THSD4: variants seen among roughly 807,000 people sequenced by gnomAD.
The protein encoded by THSD4 is thrombospondin type-1 domain-containing protein 4.
In THSD4, 69 loss-of-function variants were observed where a neutral mutation model predicts 119.0. The observed-to-expected ratio is 0.58, with a 90% CI of 0.48 to 0.71. The LOEUF is 0.71. Among genes scored for constraint, THSD4 ranks in the 30% least tolerant of loss-of-function variants. The probability of loss-of-function intolerance (pLI) is 0.00; values close to 1 mark genes in which losing one functional copy is unlikely to be tolerated. For synonymous variants in THSD4, 524 were observed against 540.4 expected (o/e 0.97, Z 0.42); for missense variants, 1,393 against 1,391.1 (o/e 1.00, Z -0.02).
chr15:71,204,935 G>C (rs1431216331), intron 3 of THSD4, among the ~76,000 whole-genome samples: 1 of 152,150 alleles, frequency 6.6e-6, no homozygotes, highest in African/African-American at 2.4e-5. Context: ...CATGTGGCTA[G>C]AGCATTTGGG....
At chr15:71,761,370 T>C (rs1055814098) in intron 15 of THSD4, among the ~76,000 whole-genome samples, 1 of 152,146 alleles carries the variant, frequency 6.6e-6, no homozygotes, top group African/African-American at 2.4e-5. Flanking sequence ...TTACCTCCAC[T>C]CTCTCAATCT....
rs1041019128 is a variant in THSD4 at position 71,312,708 on chromosome 15, T to C, written c.1015+55993T>C. Among the ~76,000 whole-genome samples the C allele has an allele frequency of 2.6e-5, 4 of 152,080 alleles. No individual in the cohort carries two copies. The South Asian group carries it at 8.3e-4, about 32-fold the overall frequency. The stretch of plus-strand genomic sequence containing the variant: ...CTGGCCTCATACCTTCCTCTGCCTT[T>C]TCTCACTCCACTCTAGCACGACTCG... On this transcript the variant is annotated intron_variant, in intron 6 of 17. Coordinates refer to ENST00000261862, the MANE Select transcript of THSD4 (RefSeq NM_024817.3).
At chr15:71,349,261 A>C (rs964202792) in intron 6 of THSD4, among the ~76,000 whole-genome samples, 1 of 152,246 alleles carries the variant, frequency 6.6e-6, no homozygotes, top group African/African-American at 2.4e-5. Context: ...TGTAAATTGG[A>C]TACAGAAGTG....
intron 7 of THSD4, among the ~76,000 whole-genome samples, chr15:71,536,408 A>T (rs2048689836): frequency 6.6e-6 from 1 of 152,138 alleles, no homozygotes; most frequent in Non-Finnish European, 1.5e-5. Flanking sequence ...AATTGTGCCT[A>T]CCTTGATAAT....
At chr15:71,702,967 A>T (rs2052321854) in intron 8 of THSD4, among the ~76,000 whole-genome samples, 1 of 150,470 alleles carries the variant, frequency 6.6e-6, no homozygotes, top group Non-Finnish European at 1.5e-5. Context: ...TAGTTTTGAA[A>T]GGTTTCTGAC....
intron 9 of THSD4, 130 bp downstream of exon 9, chr15:71,728,854 G>T (rs1459778439): frequency 8.1e-7 from 1 of 1,227,982 alleles, no homozygotes; most frequent in Non-Finnish European, 1.2e-6. Flanking sequence ...GAGCCTGTTG[G>T]AGGCACTCCT....
chr15:71,536,609 G>A (rs1184477463), intron 7 of THSD4, among the ~76,000 whole-genome samples: 2 of 152,084 alleles, frequency 1.3e-5, no homozygotes, highest in African/African-American at 2.4e-5. Context: ...AGTAAAAATT[G>A]TATATATTTA....
chr15:71,564,861 A>G (rs1375128101), intron 7 of THSD4, among the ~76,000 whole-genome samples: 1 of 143,332 alleles, frequency 7.0e-6, no homozygotes, highest in Non-Finnish European at 1.5e-5. Context: ...AATACAATAT[A>G]TTGTATATTA....
At position 71,297,143 on chromosome 15, in the gene THSD4, T is replaced by A. The variant is rs1255029815; in HGVS notation, c.1015+40428T>A. Among the ~76,000 whole-genome samples the A allele has an allele frequency of 3.9e-5, 6 of 152,162 alleles. No individual in the cohort carries two copies. In the East Asian group the frequency reaches 7.7e-4, roughly 20 times the overall value. On this transcript the variant is annotated intron_variant, in intron 6 of 17. Coordinates refer to ENST00000261862, the MANE Select transcript of THSD4 (RefSeq NM_024817.3). ...CACATCCTTGTTATTTATTTTTTTT[T>A]AATTATATCCATCCTAGTAGTGGGT...
At chr15:71,477,404 C>T (rs779696613) in intron 7 of THSD4, among the ~76,000 whole-genome samples, 1 of 152,136 alleles carries the variant, frequency 6.6e-6, no homozygotes, top group Non-Finnish European at 1.5e-5. Context: ...GCCCCGCAGG[C>T]CCTGGGTATT....
At chr15:71,349,879 C>G (rs1438220936) in intron 6 of THSD4, among the ~76,000 whole-genome samples, 1 of 151,974 alleles carries the variant, frequency 6.6e-6, no homozygotes, top group African/African-American at 2.4e-5. Flanking sequence ...TGAAACACAG[C>G]TGGTCTCAGG....
rs1021309526 is a variant in THSD4 at position 71,778,942 on chromosome 15, G to C, written c.*1568G>C. On this transcript the variant is annotated 3_prime_UTR_variant, in exon 18 of 18. Transcript: ENST00000261862. ...AAGCTAAACAAATGTTAAACTTACAGAAAATTTGTCTTATGGTCCTGAGCA... is the reference window on the plus strand; with the variant it reads ...AAGCTAAACAAATGTTAAACTTACACAAAATTTGTCTTATGGTCCTGAGCA... The C allele has an allele frequency of 6.6e-6, 1 of 152,262 alleles. No individual in the cohort carries two copies. The highest frequency in any genetic ancestry group is 6.5e-5 in the Admixed American group (1 of 15,290). The allele number at this position is 152,262 out of a possible 1,614,324, so 9.4% of individuals were successfully genotyped here.
At chr15:71,623,482 G>A (rs2050454575) in intron 7 of THSD4, among the ~76,000 whole-genome samples, 1 of 152,152 alleles carries the variant, frequency 6.6e-6, no homozygotes, top group African/African-American at 2.4e-5. Flanking sequence ...TGATACCTGA[G>A]CCCATGCTAT....
In THSD4 at chr15:71,391,381, G is replaced by A. The variant is rs142369255; in HGVS notation, c.1016-20306G>A. 2.0e-4 allele frequency among the ~76,000 whole-genome samples: 30 copies of A among 152,200 alleles called. No homozygotes were observed. The East Asian group carries it at 5.6e-3, about 29-fold the overall frequency. On this transcript the variant is annotated intron_variant, in intron 6 of 17. Transcript: ENST00000261862. ...TTTTGTAGAGACAGGGTCTTGCTATGTTGCCAGGCTGGTCTTGAGCTGCAA... is the reference window on the plus strand; with the variant it reads ...TTTTGTAGAGACAGGGTCTTGCTATATTGCCAGGCTGGTCTTGAGCTGCAA...
chr15:71,759,130 G>A (rs904850311), intron 15 of THSD4, among the ~76,000 whole-genome samples: 6 of 152,250 alleles, frequency 3.9e-5, no homozygotes, highest in Non-Finnish European at 8.8e-5. Context: ...ATAATGGCAA[G>A]TGAGAAATAG....
Position 71,268,653 on chromosome 15 carries a change from A to C in THSD4, c.1015+11938A>C, listed in dbSNP as rs553792538. ...GAGACATGAAAAACGCTTCAAAAAC[A>C]ATCAGTGAATCCAGGAACTGTTTTT... On this transcript the variant is annotated intron_variant, in intron 6 of 17. Transcript: ENST00000261862. Among the ~76,000 whole-genome samples, 18 of 151,232 alleles carry C rather than the reference A, an allele frequency of 1.2e-4. No individual in the cohort carries two copies. In the South Asian group the frequency reaches 3.0e-3, roughly 25 times the overall value.
At chr15:71,538,753 C>T (rs956675314) in intron 7 of THSD4, among the ~76,000 whole-genome samples, 10 of 152,186 alleles carry the variant, frequency 6.6e-5, no homozygotes, top group African/African-American at 2.4e-4. Context: ...AGTTGAGAAC[C>T]TCTGCCTTAG....
chr15:71,629,871 G>A (rs1018847468), intron 7 of THSD4, among the ~76,000 whole-genome samples: 9 of 152,176 alleles, frequency 5.9e-5, no homozygotes, highest in East Asian at 1.9e-4. Context: ...CTATTTCCTC[G>A]GGTTACTCTG....
chr15:71,429,144 C>T (rs907674751), intron 7 of THSD4, among the ~76,000 whole-genome samples: 4 of 152,120 alleles, frequency 2.6e-5, no homozygotes, highest in African/African-American at 4.8e-5. Context: ...AAAAGGCATA[C>T]GACATTTATT....
Sources: gnomAD v4.1 joint callset for allele counts (sites outside exome capture counted in the v4.1 genomes callset) on GRCh38, gnomAD v4.1.1 for gene constraint, MANE v1.5 for transcripts, NCBI Gene and HGNC (gene_info 2026-07-23, HGNC 2026-07-21) for gene names.